Variants in NDUFAF2 observed in about 807,000 individuals in gnomAD.
NDUFAF2 encodes NADH:ubiquinone oxidoreductase complex assembly factor 2.
A neutral mutation model predicts 22.8 loss-of-function variants in NDUFAF2; 13 were observed. That is an observed-to-expected ratio of 0.57 (90% CI 0.37 to 0.91). The LOEUF (loss-of-function observed/expected upper bound fraction) is 0.91. NDUFAF2 is among the 40% of genes least tolerant of loss of function. The pLI, the probability that NDUFAF2 is intolerant of heterozygous loss-of-function variation, is 0.01. For synonymous variants in NDUFAF2, 53 were observed against 64.2 expected, an observed-to-expected ratio of 0.83 and a Z score of 0.84; for missense variants, 162 against 195.2, an observed-to-expected ratio of 0.83 and a Z score of 1.01.
At chr5:61,066,084 G>A (rs1051675183) in intron 1 of NDUFAF2, among the ~76,000 whole-genome samples, 6 of 151,818 alleles carry the variant, frequency 4.0e-5, no homozygotes, top group African/African-American at 7.3e-5. Context: ...TGAAAAAGAC[G>A]TAAAGAAACC....
At chr5:60,977,354 A>G (rs984338731) in intron 1 of NDUFAF2, among the ~76,000 whole-genome samples, 2 of 151,882 alleles carry the variant, frequency 1.3e-5, no homozygotes, top group African/African-American at 4.8e-5. Flanking sequence ...GTTTGAGCCC[A>G]GGAGTTCGAG....
intron 1 of NDUFAF2, among the ~76,000 whole-genome samples, chr5:61,048,624 A>T (rs1751985032): frequency 6.6e-6 from 1 of 152,178 alleles, no homozygotes; most frequent in Non-Finnish European, 1.5e-5. Flanking sequence ...TCTTCAAGCC[A>T]TTACACCTGG....
chr5:61,045,696 A>C (rs1260562274), intron 1 of NDUFAF2, among the ~76,000 whole-genome samples: 1 of 50,296 alleles, frequency 2.0e-5, no homozygotes, highest in Non-Finnish European at 3.4e-5. Flanking sequence ...AACTTTACTG[A>C]ACTTGTTTGT....
intron 1 of NDUFAF2, among the ~76,000 whole-genome samples, chr5:61,006,694 T>C (rs1360718153): frequency 2.0e-5 from 3 of 152,054 alleles, no homozygotes; most frequent in Admixed American, 6.6e-5. Context: ...ATTTTATTCT[T>C]TTTAAGCAAT....
intron 1 of NDUFAF2, among the ~76,000 whole-genome samples, chr5:61,000,653 TAAG>T (rs35786913): frequency 0.63 from 96,167 of 151,518 alleles, 30,924 homozygotes; most frequent in East Asian, 0.94. Context: ...GGTTCTCATT[TAAG>T]AAGACCTGGA....
At chr5:61,052,240 C>T (rs1289292701) in intron 1 of NDUFAF2, among the ~76,000 whole-genome samples, 1 of 152,178 alleles carries the variant, frequency 6.6e-6, no homozygotes, top group Non-Finnish European at 1.5e-5. Context: ...AATTTTCCTA[C>T]ACTCTTAATA....
chr5:61,122,380 G>A lies in NDUFAF2; in HGVS notation c.258+23348G>A, dbSNP rs945625659. Among the ~76,000 whole-genome samples, 8 of 152,148 alleles carry A rather than the reference G, an allele frequency of 5.3e-5. No homozygotes were observed. In the South Asian group the frequency reaches 1.7e-3, roughly 32 times the overall value. ...CTGGTATATAAAGTGTTTAGCCAGTGCATAACAAAATATGATAGGTGCTGT... is the reference window on the plus strand; with the variant it reads ...CTGGTATATAAAGTGTTTAGCCAGTACATAACAAAATATGATAGGTGCTGT... On this transcript the variant is annotated intron_variant, in intron 3 of 3. Coordinates refer to ENST00000296597, the MANE Select transcript of NDUFAF2 (RefSeq NM_174889.5).
intron 2 of NDUFAF2, among the ~76,000 whole-genome samples, chr5:61,088,340 C>T (rs1442427284): frequency 6.6e-6 from 1 of 151,992 alleles, no homozygotes; most frequent in Non-Finnish European, 1.5e-5. Flanking sequence ...GGGTCCTACC[C>T]TCATTCAAGG....
intron 3 of NDUFAF2, among the ~76,000 whole-genome samples, chr5:61,142,240 C>T (rs1204557487): frequency 2.0e-5 from 3 of 151,930 alleles, no homozygotes; most frequent in African/African-American, 7.3e-5. Context: ...GCCCTTTTTG[C>T]GTATATATGG....
At chr5:60,996,347 G>C (rs13184350) in intron 1 of NDUFAF2, among the ~76,000 whole-genome samples, 30,408 of 152,094 alleles carry the variant, frequency 0.2, 3,598 homozygotes, top group Non-Finnish European at 0.26. Context: ...CTGGGAGCTA[G>C]GCCCTGAAAC....
chr5:61,051,989 A>AAT (rs1752030151), intron 1 of NDUFAF2, among the ~76,000 whole-genome samples: 1 of 152,198 alleles, frequency 6.6e-6, no homozygotes, highest in African/African-American at 2.4e-5. Flanking sequence ...CTACTTAGAG[A>AAT]AGTATAACTA....
At chr5:60,975,271 C>G (rs1278638259) in intron 1 of NDUFAF2, among the ~76,000 whole-genome samples, 1 of 151,928 alleles carries the variant, frequency 6.6e-6, no homozygotes, top group Non-Finnish European at 1.5e-5. Context: ...CCTAGGCTTG[C>G]TGTTATTTTG....
rs2694530 is a variant in NDUFAF2 at position 60,980,463 on chromosome 5, A to T, written c.127+35081A>T. ...TTCTATGAGATAATTTTAACAAAGA[A>T]ATACAAATAATTAAAAAGATCAAGC... On this transcript the variant is annotated intron_variant, in intron 1 of 3. Coordinates refer to ENST00000296597, the MANE Select transcript of NDUFAF2 (RefSeq NM_174889.5). Among the ~76,000 whole-genome samples, 4 of 152,078 alleles carry T rather than the reference A, an allele frequency of 2.6e-5. No homozygotes were observed. The East Asian group carries it at 7.8e-4, about 30-fold the overall frequency.
intron 1 of NDUFAF2, among the ~76,000 whole-genome samples, chr5:61,018,728 G>T (rs1580097208): frequency 1.3e-5 from 2 of 152,122 alleles, no homozygotes; most frequent in South Asian, 2.1e-4. Flanking sequence ...TCTATATGGA[G>T]GTTCCCTAAG....
At chr5:60,945,779 C>T (rs1193418919) in intron 1 of NDUFAF2, among the ~76,000 whole-genome samples, 1 of 152,212 alleles carries the variant, frequency 6.6e-6, no homozygotes, top group Non-Finnish European at 1.5e-5. Flanking sequence ...CTAGAAGGGC[C>T]AGGGGAGGGG....
intron 3 of NDUFAF2, among the ~76,000 whole-genome samples, chr5:61,119,933 A>G (rs1478442587): frequency 1.3e-5 from 2 of 152,164 alleles, no homozygotes; most frequent in Admixed American, 6.6e-5. Flanking sequence ...TAGAAGTAAT[A>G]GATTACCTGA....
At chr5:61,123,666 T>C (rs1316404967) in intron 3 of NDUFAF2, among the ~76,000 whole-genome samples, 1 of 152,176 alleles carries the variant, frequency 6.6e-6, no homozygotes. Context: ...ACTTGTAAAA[T>C]GTAAGTACAT....
At chr5:61,098,921 T>C in intron 2 of NDUFAF2, 71 bp from the exon 3 acceptor site, 1 of 1,305,268 alleles carries the variant, frequency 7.7e-7, no homozygotes, top group African/African-American at 1.5e-5. Context: ...CTCAAAAAAA[T>C]TTGTTTTATG....
At chr5:61,057,094 C>T (rs1752109983) in intron 1 of NDUFAF2, among the ~76,000 whole-genome samples, 1 of 151,398 alleles carries the variant, frequency 6.6e-6, no homozygotes, top group South Asian at 2.1e-4. Flanking sequence ...TTAAAAATGC[C>T]TCTCCAGTGA....
Sources: allele counts gnomAD v4.1 joint callset (sites outside exome capture counted in the v4.1 genomes callset), GRCh38; gene constraint gnomAD v4.1.1; transcripts MANE v1.5; gene names NCBI Gene and HGNC (gene_info 2026-07-23, HGNC 2026-07-21).